PTPRD: variants seen among roughly 807,000 people sequenced by gnomAD.
The protein encoded by PTPRD is receptor-type tyrosine-protein phosphatase delta.
Under a neutral mutation model 214.5 loss-of-function variants are expected in PTPRD, and 34 were observed. The observed-to-expected ratio is 0.16, with a 90% CI of 0.12 to 0.21. The LOEUF (loss-of-function observed/expected upper bound fraction) is 0.21. PTPRD is among the 10% of genes least tolerant of loss of function. PTPRD has a pLI of 1.00. For synonymous variants in PTPRD, 1,128 were observed against 845.7 expected (o/e 1.33, Z -5.79); for missense variants, 2,545 against 2,398.7 (o/e 1.06, Z -1.27).
At chr9:9,215,172 T>A (rs531717171) in intron 9 of PTPRD, among the ~76,000 whole-genome samples, 6 of 152,212 alleles carry the variant, frequency 3.9e-5, no homozygotes, top group Admixed American at 6.5e-5. Context: ...AAACTTCCTT[T>A]AGAAGTCATC....
chr9:8,644,225 G>A (rs542151240), intron 12 of PTPRD, among the ~76,000 whole-genome samples: 1 of 151,592 alleles, frequency 6.6e-6, no homozygotes. Flanking sequence ...CCTCTCTGCT[G>A]GGAGGTGAAC....
intron 9 of PTPRD, among the ~76,000 whole-genome samples, chr9:9,368,297 T>A (rs149795474): frequency 6.9e-6 from 1 of 144,092 alleles, no homozygotes; most frequent in Admixed American, 7.1e-5. Flanking sequence ...CAGGATTTTA[T>A]GAGGTTTATA....
At chr9:9,240,851 C>A (rs4073524) in intron 9 of PTPRD, among the ~76,000 whole-genome samples, 1 of 152,020 alleles carries the variant, frequency 6.6e-6, no homozygotes, top group Non-Finnish European at 1.5e-5. Context: ...TTTCTAATCA[C>A]GGCCATTTTA....
At chr9:10,044,783 A>G (rs7868769) in intron 3 of PTPRD, among the ~76,000 whole-genome samples, 45,791 of 151,408 alleles carry the variant, frequency 0.3, 6,992 homozygotes, top group Middle Eastern at 0.34. Context: ...AGCAGCACAA[A>G]CCTTCAGAAG....
chr9:9,968,445 T>C (rs557057666), intron 4 of PTPRD, among the ~76,000 whole-genome samples: 22 of 152,336 alleles, frequency 1.4e-4, no homozygotes, highest in African/African-American at 2.4e-5. Context: ...AAAATATATT[T>C]GCATATCTAA....
chr9:8,756,311 C>T (rs1030466995), intron 11 of PTPRD, among the ~76,000 whole-genome samples: 1 of 152,106 alleles, frequency 6.6e-6, no homozygotes, highest in Non-Finnish European at 1.5e-5. Flanking sequence ...GTTTTGTTGT[C>T]ATTGTCCCCA....
At chr9:8,351,300 C>A (rs1304543627) in intron 39 of PTPRD, among the ~76,000 whole-genome samples, 1 of 151,882 alleles carries the variant, frequency 6.6e-6, no homozygotes, top group South Asian at 2.1e-4. Context: ...TGTTAATGCA[C>A]AAAACATGGT....
intron 39 of PTPRD, among the ~76,000 whole-genome samples, chr9:8,371,961 G>A (rs975989313): frequency 6.6e-6 from 1 of 152,012 alleles, no homozygotes; most frequent in Non-Finnish European, 1.5e-5. Context: ...TGAATGCAAT[G>A]ATAAGCAGTT....
At chr9:9,887,875 A>G (rs755698482) in intron 5 of PTPRD, among the ~76,000 whole-genome samples, 5 of 152,152 alleles carry the variant, frequency 3.3e-5, no homozygotes, top group Non-Finnish European at 5.9e-5. Context: ...TGAAAAACAA[A>G]TAAGACAAAT....
At chr9:10,195,909 A>G (rs954016345) in intron 3 of PTPRD, among the ~76,000 whole-genome samples, 7 of 152,174 alleles carry the variant, frequency 4.6e-5, no homozygotes, top group African/African-American at 1.4e-4. Context: ...TGAAAAAACT[A>G]TAACTTGTAT....
intron 14 of PTPRD, among the ~76,000 whole-genome samples, chr9:8,530,319 A>C (rs909699899): frequency 6.6e-6 from 1 of 151,978 alleles, no homozygotes; most frequent in Non-Finnish European, 1.5e-5. Context: ...CAACTCTCTC[A>C]TAGGAAATTT....
At chr9:10,116,890 A>G (rs1020078743) in intron 3 of PTPRD, among the ~76,000 whole-genome samples, 7 of 152,208 alleles carry the variant, frequency 4.6e-5, no homozygotes, top group African/African-American at 1.7e-4. Context: ...TATTTTCCCC[A>G]ATATATGCAT....
At chr9:8,683,335 T>G (rs2097590104) in intron 12 of PTPRD, among the ~76,000 whole-genome samples, 2 of 151,638 alleles carry the variant, frequency 1.3e-5, no homozygotes, top group South Asian at 4.2e-4. Context: ...TGAAAAATGT[T>G]AATTCATAAC....
intron 4 of PTPRD, among the ~76,000 whole-genome samples, chr9:9,943,147 T>C (rs906959289): frequency 1.8e-4 from 27 of 152,116 alleles, no homozygotes; most frequent in South Asian, 6.2e-4. Context: ...AATGAAGACA[T>C]ATTAGATCTG....
intron 9 of PTPRD, among the ~76,000 whole-genome samples, chr9:9,363,505 T>C (rs540130218): frequency 1.8e-4 from 28 of 151,586 alleles, no homozygotes; most frequent in Non-Finnish European, 2.8e-4. Flanking sequence ...AACCATTATG[T>C]CGATCATAAA....
At chr9:9,664,459 A>G (rs1317493499) in intron 7 of PTPRD, among the ~76,000 whole-genome samples, 2 of 151,624 alleles carry the variant, frequency 1.3e-5, no homozygotes, top group Non-Finnish European at 3.0e-5. Flanking sequence ...CAGATCTGAC[A>G]TATCTGCCCG....
intron 10 of PTPRD, among the ~76,000 whole-genome samples, chr9:9,175,564 A>G (rs1375311129): frequency 6.9e-6 from 1 of 144,228 alleles, no homozygotes; most frequent in Non-Finnish European, 1.5e-5. Flanking sequence ...TGGAGGTTAC[A>G]GTGAGCCGAG....
chr9:9,515,298 T>C (rs2096807960), intron 8 of PTPRD, among the ~76,000 whole-genome samples: 1 of 152,180 alleles, frequency 6.6e-6, no homozygotes, highest in South Asian at 2.1e-4. Flanking sequence ...TTTTTATTTG[T>C]TTGGAGTCTC....
At chr9:10,218,264 G>T (rs934435382) in intron 3 of PTPRD, among the ~76,000 whole-genome samples, 1 of 151,774 alleles carries the variant, frequency 6.6e-6, no homozygotes, top group African/African-American at 2.4e-5. Flanking sequence ...ACAAACAAAT[G>T]AAAAATCCAA....
Sources: allele counts gnomAD v4.1 joint callset (sites outside exome capture counted in the v4.1 genomes callset), GRCh38; gene constraint gnomAD v4.1.1; transcripts MANE v1.5; gene names NCBI Gene and HGNC (gene_info 2026-07-23, HGNC 2026-07-21).